The following SETBP1 variants were observed in gnomAD, a reference collection of about 807,000 sequenced individuals.
SETBP1 encodes SET-binding protein.
Under a neutral mutation model 101.0 loss-of-function variants are expected in SETBP1, and 9 were observed. The ratio of observed to expected loss-of-function variants is 0.09; its 90% CI spans 0.05 to 0.16. The LOEUF is 0.16. Ranked by LOEUF, SETBP1 falls within the 10% of genes least tolerant of loss-of-function variation. SETBP1 has a pLI of 1.00. For synonymous variants in SETBP1, 818 were observed against 788.5 expected (o/e 1.04, Z -0.63); for missense variants, 1,858 against 2,033.8 (o/e 0.91, Z 1.66).
chr18:45,007,246 T>A (rs1195572493), intron 4 of SETBP1, among the ~76,000 whole-genome samples: 2 of 152,260 alleles, frequency 1.3e-5, no homozygotes, highest in East Asian at 3.8e-4. Context: ...ATTTGTTTTA[T>A]GCAACTGTTA....
intron 2 of SETBP1, among the ~76,000 whole-genome samples, chr18:44,735,638 G>A (rs2069948117): frequency 6.6e-6 from 1 of 152,192 alleles, no homozygotes; most frequent in African/African-American, 2.4e-5. Context: ...AGGGTCAGAT[G>A]CTGGAGTGGC....
At chr18:44,827,034 A>C (rs1014265000) in intron 2 of SETBP1, among the ~76,000 whole-genome samples, 6 of 152,234 alleles carry the variant, frequency 3.9e-5, no homozygotes, top group Non-Finnish European at 7.3e-5. Flanking sequence ...GATTGGCCCC[A>C]GAAATGCTTA....
rs1017024361 is a variant in SETBP1 at position 44,953,375 on chromosome 18, G to C, written c.4000+35G>C. The C allele has an allele frequency of 1.9e-6, 3 of 1,576,302 alleles. No individual in the cohort carries two copies. The African/African-American group carries it at 4.0e-5, about 21-fold the overall frequency. On this transcript the variant is annotated intron_variant, in intron 4 of 5. Coordinates refer to ENST00000649279, the MANE Select transcript of SETBP1 (RefSeq NM_015559.3). ...TTTTTCTTCAGAAATGGATTATCAA[G>C]TTATTTCATTGCTGGGCTTTGCACC... is the stretch of plus-strand genomic sequence containing the variant.
chr18:44,721,184 G>T (rs1311493313), intron 2 of SETBP1, among the ~76,000 whole-genome samples: 2 of 152,092 alleles, frequency 1.3e-5, no homozygotes, highest in Non-Finnish European at 2.9e-5. Context: ...AGAAGTAATT[G>T]ATTTCTTTTC....
At chr18:44,849,796 G>A (rs781649711) in intron 2 of SETBP1, among the ~76,000 whole-genome samples, 1 of 152,130 alleles carries the variant, frequency 6.6e-6, no homozygotes, top group Non-Finnish European at 1.5e-5. Flanking sequence ...TGGAATTACG[G>A]TGTCTATTCA....
chr18:44,866,773 G>A, intron 2 of SETBP1, among the ~76,000 whole-genome samples: 1 of 152,146 alleles, frequency 6.6e-6, no homozygotes, highest in East Asian at 1.9e-4. Flanking sequence ...CGAATCTTAT[G>A]CCCAGCTCAA....
chr18:44,725,588 G>A (rs887988472), intron 2 of SETBP1, among the ~76,000 whole-genome samples: 1 of 152,120 alleles, frequency 6.6e-6, no homozygotes, highest in Non-Finnish European at 1.5e-5. Flanking sequence ...TATTCACCAG[G>A]ACCTTTCCTG....
At chr18:45,003,252 G>T (rs1343107593) in intron 4 of SETBP1, among the ~76,000 whole-genome samples, 3 of 152,120 alleles carry the variant, frequency 2.0e-5, no homozygotes, top group East Asian at 1.9e-4. Flanking sequence ...GTATTTTTTA[G>T]TTCCTCATCC....
intron 3 of SETBP1, among the ~76,000 whole-genome samples, chr18:44,903,649 C>T (rs2070105059): frequency 6.6e-6 from 1 of 152,180 alleles, no homozygotes; most frequent in South Asian, 2.1e-4. Context: ...TATTGTAACA[C>T]CTATCACACA....
chr18:44,703,056 C>T (rs193073800), intron 2 of SETBP1, among the ~76,000 whole-genome samples: 142 of 152,322 alleles, frequency 9.3e-4, no homozygotes, highest in African/African-American at 3.3e-3. Context: ...ACAGTGACCT[C>T]CCTTCCTGTG....
intron 2 of SETBP1, among the ~76,000 whole-genome samples, chr18:44,805,130 G>T (rs980482663): frequency 1.3e-5 from 2 of 152,108 alleles, no homozygotes; most frequent in African/African-American, 4.8e-5. Context: ...TACAACTAAA[G>T]TCTAAGGAGA....
chr18:44,971,595 G>A (rs1006314149), intron 4 of SETBP1, among the ~76,000 whole-genome samples: 1 of 152,194 alleles, frequency 6.6e-6, no homozygotes, highest in African/African-American at 2.4e-5. Context: ...GTATCTCACT[G>A]TGGTTTTGAT....
chr18:45,029,421 A>C (rs1174810907), intron 4 of SETBP1, among the ~76,000 whole-genome samples: 1 of 152,032 alleles, frequency 6.6e-6, no homozygotes, highest in African/African-American at 2.4e-5. Flanking sequence ...GTAGCCTTGT[A>C]GTATAGTTTG....
chr18:45,017,381 C>T (rs775442740), intron 4 of SETBP1, among the ~76,000 whole-genome samples: 11 of 152,172 alleles, frequency 7.2e-5, no homozygotes, highest in Non-Finnish European at 1.3e-4. Context: ...TTGGGTGGCC[C>T]CAGCCTCTTT....
chr18:44,685,334 CA>C (rs2068819211), intron 1 of SETBP1, among the ~76,000 whole-genome samples: 1 of 152,200 alleles, frequency 6.6e-6, no homozygotes. Context: ...TTGTTCTTTT[CA>C]AAAATATCTT....
At chr18:44,876,284 C>G (rs1453284891) in intron 3 of SETBP1, among the ~76,000 whole-genome samples, 9 of 152,140 alleles carry the variant, frequency 5.9e-5, no homozygotes, top group Non-Finnish European at 2.9e-5. Context: ...AGGAAAGAGC[C>G]ATCCCAAAGC....
chr18:44,787,626 G>A (rs1314587986), intron 2 of SETBP1, among the ~76,000 whole-genome samples: 5 of 149,752 alleles, frequency 3.3e-5, no homozygotes, highest in East Asian at 3.9e-4. Flanking sequence ...AGGCCGAGGC[G>A]GGTGGATCAT....
intron 4 of SETBP1, among the ~76,000 whole-genome samples, chr18:44,985,579 G>C (rs1254988743): frequency 1.3e-5 from 2 of 152,196 alleles, no homozygotes; most frequent in Non-Finnish European, 2.9e-5. Context: ...ACAGTTACTT[G>C]AGTAATGATT....
At chr18:44,907,925 A>C (rs1224214441) in intron 3 of SETBP1, among the ~76,000 whole-genome samples, 1 of 152,196 alleles carries the variant, frequency 6.6e-6, no homozygotes, top group Non-Finnish European at 1.5e-5. Context: ...AGGTCAAAAA[A>C]TATACTCATG....
Sources: gnomAD v4.1 joint callset for allele counts (sites outside exome capture counted in the v4.1 genomes callset) on GRCh38, gnomAD v4.1.1 for gene constraint, MANE v1.5 for transcripts, NCBI Gene and HGNC (gene_info 2026-07-23, HGNC 2026-07-21) for gene names.